Variants in PAFAH1B1 observed in about 807,000 individuals in gnomAD.
PAFAH1B1 encodes the protein platelet activating factor acetylhydrolase 1b regulatory subunit 1.
PAFAH1B1 carries 2 observed loss-of-function variants against 57.5 expected under a neutral mutation model. The ratio of observed to expected loss-of-function variants is 0.03; its 90% CI spans 0.01 to 0.11. The LOEUF (loss-of-function observed/expected upper bound fraction) is 0.11. PAFAH1B1 is among the 10% of genes least tolerant of loss of function. The probability of loss-of-function intolerance (pLI) is 1.00; values close to 1 mark genes in which losing one functional copy is unlikely to be tolerated. For synonymous variants in PAFAH1B1, 152 were observed against 169.6 expected (o/e 0.90, Z 0.81); for missense variants, 257 against 512.0 (o/e 0.50, Z 4.81).
At chr17:2,623,774 A>AGCTGGGATCTCAGCCACG (rs1368419263) in intron 1 of PAFAH1B1, among the ~76,000 whole-genome samples, 1 of 145,238 alleles carries the variant, frequency 6.9e-6, no homozygotes, top group African/African-American at 2.6e-5. Context: ...TCCCAGCCAC[A>AGCTGGGATCTCAGCCACG]GTAGCTGGGA....
chr17:2,625,724 A>G (rs2068481251), intron 1 of PAFAH1B1, among the ~76,000 whole-genome samples: 1 of 152,132 alleles, frequency 6.6e-6, no homozygotes, highest in East Asian at 1.9e-4. Flanking sequence ...CCAGGAATTA[A>G]AGACCAGCCT....
At chr17:2,597,545 G>T (rs1200043206) in intron 1 of PAFAH1B1, among the ~76,000 whole-genome samples, 1 of 150,666 alleles carries the variant, frequency 6.6e-6, no homozygotes, top group Non-Finnish European at 1.5e-5. Context: ...TGAGTAGTTG[G>T]GATTACAGGT....
Position 2,616,629 on chromosome 17 carries a change from C to G in PAFAH1B1, c.-190-21470C>G, listed in dbSNP as rs527720446. ...CTGCTGACTTAAATGTTAATTGTATCTGAAGAAATATCTTCACAGCAACAT... is the reference window on the plus strand; with the variant it reads ...CTGCTGACTTAAATGTTAATTGTATGTGAAGAAATATCTTCACAGCAACAT... On this transcript the variant is annotated intron_variant, in intron 1 of 10. Coordinates refer to ENST00000397195, the MANE Select transcript of PAFAH1B1 (RefSeq NM_000430.4). 2.0e-5 allele frequency among the ~76,000 whole-genome samples: 3 copies of G among 152,306 alleles called. No individual in the cohort carries two copies. In the South Asian group the frequency reaches 6.2e-4, roughly 32 times the overall value.
At chr17:2,651,451 G>T (rs915221640) in intron 2 of PAFAH1B1, among the ~76,000 whole-genome samples, 2 of 151,336 alleles carry the variant, frequency 1.3e-5, no homozygotes, top group Non-Finnish European at 2.9e-5. Context: ...GGGCATGGTG[G>T]TGCCTGCCTG....
intron 2 of PAFAH1B1, among the ~76,000 whole-genome samples, chr17:2,661,354 G>A (rs557329117): frequency 4.6e-5 from 7 of 152,284 alleles, no homozygotes; most frequent in African/African-American, 1.4e-4. Context: ...TGTAAGGAAG[G>A]GGTCCAGTTT....
chr17:2,666,946 T>G, intron 4 of PAFAH1B1, 46 bp from the exon 5 acceptor site: 2 of 1,459,470 alleles, frequency 1.4e-6, no homozygotes, highest in Non-Finnish European at 9.6e-7. Flanking sequence ...TCACATGCTA[T>G]TTTTATTGAA....
intron 1 of PAFAH1B1, chr17:2,613,377 C>A: frequency 4.1e-6 from 1 of 241,986 alleles, no homozygotes; most frequent in Non-Finnish European, 8.6e-6. Context: ...CCGTGGCCCC[C>A]TTCATAGGGG....
intron 9 of PAFAH1B1, 22 bp from the exon 10 acceptor site, chr17:2,680,142 A>C (rs2069357032): frequency 5.0e-6 from 8 of 1,612,410 alleles, no homozygotes; most frequent in Non-Finnish European, 6.8e-6. Context: ...TTACTGAGTC[A>C]AATAACTTTT....
intron 2 of PAFAH1B1, among the ~76,000 whole-genome samples, chr17:2,643,403 GCCA>G (rs1184846743): frequency 1.3e-5 from 2 of 152,106 alleles, no homozygotes; most frequent in African/African-American, 4.8e-5. Context: ...ACAGGCATGA[GCCA>G]CTGCACCTGG....
intron 1 of PAFAH1B1, among the ~76,000 whole-genome samples, chr17:2,607,594 C>T (rs2068220354): frequency 6.6e-6 from 1 of 151,918 alleles, no homozygotes. Flanking sequence ...AAGCGATTGT[C>T]TGCCTCAGCC....
intron 2 of PAFAH1B1, among the ~76,000 whole-genome samples, chr17:2,657,613 A>G (rs573826533): frequency 2.0e-5 from 3 of 152,186 alleles, no homozygotes; most frequent in Non-Finnish European, 4.4e-5. Context: ...ATTCTGATTC[A>G]CTTGGTCCAG....
intron 2 of PAFAH1B1, among the ~76,000 whole-genome samples, chr17:2,664,665 G>GCTCGCTCTCTCTCT (rs1555526142): frequency 0.016 from 1,348 of 85,942 alleles, 29 homozygotes; most frequent in African/African-American, 0.042. Flanking sequence ...TCTATCTATC[G>GCTCGCTCTCTCTCT]CTCTCTCTCT....
intron 2 of PAFAH1B1, among the ~76,000 whole-genome samples, chr17:2,645,988 C>G (rs1338147921): frequency 6.6e-6 from 1 of 151,994 alleles, no homozygotes; most frequent in Non-Finnish European, 1.5e-5. Flanking sequence ...AATGAGGGTA[C>G]TGATAACAAA....
At chr17:2,594,688 G>A (rs1227459812) in intron 1 of PAFAH1B1, among the ~76,000 whole-genome samples, 1 of 152,178 alleles carries the variant, frequency 6.6e-6, no homozygotes, top group African/African-American at 2.4e-5. Context: ...TCCACCCACC[G>A]AATCTGGCAG....
intron 2 of PAFAH1B1, chr17:2,640,847 C>A (rs760280153): frequency 6.6e-6 from 1 of 152,118 alleles, no homozygotes. Context: ...GGTCATCTGC[C>A]CCTCAGTTTT....
At chr17:2,640,406 T>C in intron 2 of PAFAH1B1, 1 of 151,304 alleles carries the variant, frequency 6.6e-6, no homozygotes, top group East Asian at 1.9e-4. Flanking sequence ...TTGATGTTTT[T>C]GAGGAATAGT....
intron 1 of PAFAH1B1, among the ~76,000 whole-genome samples, chr17:2,599,256 G>A (rs889556810): frequency 2.0e-5 from 3 of 152,176 alleles, no homozygotes; most frequent in Non-Finnish European, 4.4e-5. Context: ...TTCTTTTCCT[G>A]TCGAATGTTA....
rs1252023645 is a variant in PAFAH1B1 at position 2,608,055 on chromosome 17, A to G, written c.-191+14049A>G. On this transcript the variant is annotated intron_variant, in intron 1 of 10. Transcript: ENST00000397195. ...ATGTAGATCTAGTTTATTTAGTTGT[A>G]TAATTTCTTATATATGATACCATAT... is the stretch of plus-strand genomic sequence containing the variant. Among the ~76,000 whole-genome samples, 4 of 151,380 alleles carry G rather than the reference A, an allele frequency of 2.6e-5. No individual in the cohort carries two copies. The East Asian group carries it at 5.8e-4, about 22-fold the overall frequency.
intron 2 of PAFAH1B1, among the ~76,000 whole-genome samples, chr17:2,665,133 TAAAA>T (rs1011960547): frequency 6.6e-6 from 1 of 151,878 alleles, no homozygotes; most frequent in African/African-American, 2.4e-5. Context: ...CTTCTGATGT[TAAAA>T]AAAAGAAAGA....
Sources: allele counts gnomAD v4.1 joint callset (sites outside exome capture counted in the v4.1 genomes callset), GRCh38; gene constraint gnomAD v4.1.1; transcripts MANE v1.5; gene names NCBI Gene and HGNC (gene_info 2026-07-23, HGNC 2026-07-21).